CFAP251: variants seen among roughly 807,000 people sequenced by gnomAD.
CFAP251 encodes cilia- and flagella-associated protein 251.
CFAP251 carries 93 observed loss-of-function variants against 126.7 expected under a neutral mutation model. That is an observed-to-expected ratio of 0.73 (90% CI 0.62 to 0.87). The LOEUF is 0.87. Among genes scored for constraint, CFAP251 ranks in the 40% least tolerant of loss-of-function variants. The pLI is 0.00. For synonymous variants in CFAP251, 503 were observed against 506.9 expected, an observed-to-expected ratio of 0.99 and a Z score of 0.10; for missense variants, 1,287 against 1,389.2, an observed-to-expected ratio of 0.93 and a Z score of 1.17.
In CFAP251 at chr12:121,942,583, A is replaced by G. The variant is rs747183230; in HGVS notation, c.1048A>G (p.Met350Val). 6 of 1,613,756 alleles carry G rather than the reference A, an allele frequency of 3.7e-6. No individual in the cohort carries two copies. The highest frequency in any genetic ancestry group is 3.3e-5 in the South Asian group (3 of 91,086). Residue 350 changes from methionine (M) to valine (V), a missense_variant, in exon 6 of 22, where the codon ATG becomes GTG. Physicochemically the swap from Met to Val is conservative, Grantham distance 21. Transcript: ENST00000288912. ...FDSCPEGNGI[M>V]AMAMTHDAKY... The stretch of plus-strand genomic sequence containing the variant: ...CAGCTGCCCTGAAGGGAATGGCATC[A>G]TGGCCATGGCCATGACCCACGACGC...
chr12:121,926,021 A>ATTTT (rs35760212), intron 3 of CFAP251, among the ~76,000 whole-genome samples: 1 of 97,506 alleles, frequency 1.0e-5, no homozygotes, highest in African/African-American at 4.2e-5. Context: ...ATTTTTTGTA[A>ATTTT]TTTTTTTTTT....
At chr12:121,975,792 A>G (rs1369191302) in intron 19 of CFAP251, 107 bp downstream of exon 19, 1 of 1,228,532 alleles carries the variant, frequency 8.1e-7, no homozygotes, top group Non-Finnish European at 1.1e-6. Context: ...TTTTTCTTGC[A>G]TAAATGGATC....
intron 19 of CFAP251, among the ~76,000 whole-genome samples, chr12:121,988,192 G>C (rs566326605): frequency 1.3e-5 from 2 of 151,422 alleles, no homozygotes; most frequent in Admixed American, 6.6e-5. Context: ...CATTGCCATG[G>C]CTTCTCCATA....
intron 17 of CFAP251, among the ~76,000 whole-genome samples, chr12:121,972,560 C>T (rs1882362803): frequency 6.6e-6 from 1 of 151,574 alleles, no homozygotes; most frequent in Admixed American, 6.6e-5. Context: ...ACGATCTTGG[C>T]TCACTGCAAC....
intron 5 of CFAP251, among the ~76,000 whole-genome samples, chr12:121,937,432 A>C (rs1316035439): frequency 6.6e-6 from 1 of 152,230 alleles, no homozygotes; most frequent in Non-Finnish European, 1.5e-5. Context: ...ATAAGGTCAT[A>C]TTCTGAGGTT....
At chr12:121,937,934 T>C (rs1880955388) in intron 5 of CFAP251, among the ~76,000 whole-genome samples, 1 of 152,222 alleles carries the variant, frequency 6.6e-6, no homozygotes, top group East Asian at 1.9e-4. Context: ...GCACGTGTCC[T>C]TTCTATGGCG....
intron 16 of CFAP251, among the ~76,000 whole-genome samples, chr12:121,967,498 G>T (rs573423937): frequency 6.6e-5 from 10 of 152,038 alleles, no homozygotes; most frequent in Non-Finnish European, 1.2e-4. Context: ...GTCAGGAGAT[G>T]GAGACCATCC....
At chr12:122,002,970 A>G (rs942459335) in intron 21 of CFAP251, among the ~76,000 whole-genome samples, 4 of 152,022 alleles carry the variant, frequency 2.6e-5, no homozygotes, top group African/African-American at 4.8e-5. Flanking sequence ...GTCATTCCCA[A>G]CCTGCAAGCT....
chr12:121,934,112 C>A, intron 4 of CFAP251, 135 bp from the exon 5 acceptor site: 1 of 628,390 alleles, frequency 1.6e-6, no homozygotes, highest in South Asian at 2.2e-5. Context: ...GGAAGGCCAG[C>A]GGGAACAGAA....
At chr12:121,929,866 T>TCCCC (rs1269191153) in intron 3 of CFAP251, among the ~76,000 whole-genome samples, 1 of 152,062 alleles carries the variant, frequency 6.6e-6, no homozygotes, top group Non-Finnish European at 1.5e-5. Flanking sequence ...TCAGTAGAGA[T>TCCCC]GGGGTTTCAC....
intron 19 of CFAP251, among the ~76,000 whole-genome samples, chr12:121,992,944 G>GCTCTCCCTCTCC (rs1333742324): frequency 3.8e-5 from 5 of 133,212 alleles, no homozygotes; most frequent in Middle Eastern, 4.1e-3. Context: ...AATCACAAGA[G>GCTCTCCCTCTCC]CTCTCCCTCT....
At chr12:121,973,647 G>T (rs1026933320) in intron 17 of CFAP251, among the ~76,000 whole-genome samples, 1 of 152,210 alleles carries the variant, frequency 6.6e-6, no homozygotes, top group Non-Finnish European at 1.5e-5. Context: ...TTGCATCAGC[G>T]TGACCTGGAT....
Position 121,970,906 on chromosome 12 carries a change from T to A in CFAP251, c.2771+2737T>A, listed in dbSNP as rs114370080. 3.1e-3 allele frequency among the ~76,000 whole-genome samples: 472 copies of A among 150,886 alleles called. 2 individuals carry two copies. The highest frequency in any genetic ancestry group is 0.011 in the African/African-American group (451 of 41,022). ...TAGCTCTCACCACAGAGAGAGGGAG[T>A]CTCTTTCCCAGCTTGTGTTGGAGAA... On this transcript the variant is annotated intron_variant, in intron 17 of 21. Transcript: ENST00000288912.
chr12:121,964,675 G>T (rs1882060911), intron 15 of CFAP251, among the ~76,000 whole-genome samples: 1 of 152,124 alleles, frequency 6.6e-6, no homozygotes, highest in South Asian at 2.1e-4. Context: ...CGAGGCAGGT[G>T]GATCACCTGA....
At chr12:121,984,587 G>T (rs1882701829) in intron 19 of CFAP251, among the ~76,000 whole-genome samples, 1 of 152,196 alleles carries the variant, frequency 6.6e-6, no homozygotes, top group Admixed American at 6.5e-5. Context: ...ATTACAAGGT[G>T]TGAGCCACGG....
intron 7 of CFAP251, chr12:121,948,508 G>A (rs867381630): frequency 6.5e-6 from 1 of 152,786 alleles, no homozygotes; most frequent in Non-Finnish European, 1.5e-5. Context: ...GATCGCTTGA[G>A]GTAGGGTTCA....
At chr12:122,001,814 G>C in intron 21 of CFAP251, 1 of 568,336 alleles carries the variant, frequency 1.8e-6, no homozygotes, top group Non-Finnish European at 3.2e-6. Context: ...GTTTCTTCTG[G>C]GCTTATTTTC....
intron 9 of CFAP251, 50 bp downstream of exon 9, chr12:121,951,580 T>C: frequency 1.5e-6 from 2 of 1,374,750 alleles, no homozygotes; most frequent in Non-Finnish European, 2.1e-6. Flanking sequence ...GGAGAATAAA[T>C]ATTTATGTGC....
At chr12:121,930,812 G>A (rs1880654372) in intron 3 of CFAP251, among the ~76,000 whole-genome samples, 1 of 146,472 alleles carries the variant, frequency 6.8e-6, no homozygotes, top group African/African-American at 2.5e-5. Flanking sequence ...GCAGTGGCAC[G>A]ATCTTAGCTC....
Sources: allele counts gnomAD v4.1 joint callset (sites outside exome capture counted in the v4.1 genomes callset), GRCh38; gene constraint gnomAD v4.1.1; transcripts MANE v1.5; gene names NCBI Gene and HGNC (gene_info 2026-07-23, HGNC 2026-07-21).